Variants in MTA1 observed in about 807,000 individuals in gnomAD.
MTA1 encodes the protein metastasis associated 1, also known as metastasis-associated protein MTA1.
MTA1 carries 15 observed loss-of-function variants against 97.0 expected under a neutral mutation model. That is an observed-to-expected ratio of 0.15 (90% CI 0.10 to 0.24). The LOEUF (loss-of-function observed/expected upper bound fraction) is 0.24, where lower values mean the gene tolerates loss of function less well. Among genes scored for constraint, MTA1 ranks in the 10% least tolerant of loss-of-function variants. The pLI, the probability that MTA1 is intolerant of heterozygous loss-of-function variation, is 1.00. For synonymous variants in MTA1, 435 were observed against 417.5 expected, an observed-to-expected ratio of 1.04 and a Z score of -0.51; for missense variants, 709 against 1,015.1, an observed-to-expected ratio of 0.70 and a Z score of 4.10.
At position 105,466,761 on chromosome 14, in the gene MTA1, G is replaced by T; in HGVS notation, c.1813+19G>T. The T allele has an allele frequency of 2.6e-6, 4 of 1,565,122 alleles. No homozygotes were observed. Among genetic ancestry groups the T allele is most frequent in the Non-Finnish European group, 3.5e-6 (4 of 1,156,538 alleles). ...AGTAGGGGTAAGGCCTGGAGCCGCG[G>T]GCGGGCGCTGCGCCGGCCCCGCCCG... On this transcript the variant is annotated intron_variant, in intron 18 of 20. Coordinates refer to ENST00000331320, the MANE Select transcript of MTA1 (RefSeq NM_004689.4).
intron 1 of MTA1, among the ~76,000 whole-genome samples, chr14:105,433,582 G>C (rs1379959698): frequency 6.6e-6 from 1 of 152,190 alleles, no homozygotes; most frequent in Non-Finnish European, 1.5e-5. Flanking sequence ...TTCCAGGAAA[G>C]GGAGTAGCGA....
rs587678419 is a variant in MTA1, at chr14:105,425,174, C to G, written c.28+5111C>G. 2.7e-3 allele frequency among the ~76,000 whole-genome samples: 414 copies of G among 152,370 alleles called. 4 individuals carry two copies. Among genetic ancestry groups the G allele is most frequent in the African/African-American group, 8.9e-3 (371 of 41,592 alleles). On this transcript the variant is annotated intron_variant, in intron 1 of 20. Coordinates refer to ENST00000331320, the MANE Select transcript of MTA1 (RefSeq NM_004689.4). ...CTCTTGCCAGATTATGGGCTGAGTC[C>G]TGCTAGGGAGGGTGGCCCCCCTTCC...
intron 6 of MTA1, among the ~76,000 whole-genome samples, chr14:105,451,487 G>A (rs1346019523): frequency 6.6e-6 from 1 of 152,278 alleles, no homozygotes; most frequent in African/African-American, 2.4e-5. Flanking sequence ...CTGGGCGGGA[G>A]CAGAGGCTGT....
intron 18 of MTA1, chr14:105,467,327 G>A: frequency 2.3e-6 from 1 of 440,204 alleles, no homozygotes; most frequent in East Asian, 7.0e-5. Context: ...GCAAGTGCTG[G>A]GCCTGCCAGT....
chr14:105,420,842 G>T lies in MTA1; in HGVS notation c.28+779G>T, dbSNP rs1382097971. On this transcript the variant is annotated intron_variant, in intron 1 of 20. Coordinates refer to ENST00000331320, the MANE Select transcript of MTA1 (RefSeq NM_004689.4). The surrounding 1 kb of genome is among the most constrained non-coding windows in gnomAD (Gnocchi z 5.3). ...ACTCCGTGGGGTCTTTCACAGGAAG[G>T]TGGGGGGTCGTGTGCATTCCATCAT... 6.6e-6 allele frequency among the ~76,000 whole-genome samples: 1 copy of T among 152,190 alleles called. No homozygotes were observed. The highest frequency in any genetic ancestry group is 1.5e-5 in the Non-Finnish European group (1 of 68,020).
At chr14:105,469,216 G>C in intron 18 of MTA1, 2 of 609,772 alleles carry the variant, frequency 3.3e-6, no homozygotes, top group Admixed American at 2.4e-5. Flanking sequence ...CGGGTCCAAG[G>C]CTCCTGGCCT....
chr14:105,462,301 T>G (rs1333773813), intron 10 of MTA1, among the ~76,000 whole-genome samples: 1 of 152,166 alleles, frequency 6.6e-6, no homozygotes, highest in Admixed American at 6.5e-5. Context: ...CCGGGCGCAG[T>G]GGCTCATGCC....
intron 7 of MTA1, among the ~76,000 whole-genome samples, chr14:105,457,604 A>C (rs4074000): frequency 0.87 from 133,053 of 152,286 alleles, 60,918 homozygotes; most frequent in Non-Finnish European, 1. Flanking sequence ...GCCCTCTTGC[A>C]ACAGCATGTG....
In MTA1 at chr14:105,419,940, G is replaced by A. The variant is rs1462172950; in HGVS notation, c.-96G>A. The A allele has an allele frequency of 3.0e-5, 13 of 437,998 alleles. No individual in the cohort carries two copies. Among genetic ancestry groups the A allele is most frequent in the Non-Finnish European group, 3.9e-5 (13 of 330,626 alleles). 27.1% of individuals were successfully genotyped at this position (437,998 alleles called of 1,614,324 possible). On this transcript the variant is annotated 5_prime_UTR_variant, in exon 1 of 21. Coordinates refer to ENST00000331320, the MANE Select transcript of MTA1 (RefSeq NM_004689.4). ...AGCGCGGCCCCTTTAAACGCCTGCGGCGCCCCCCGCCCCCGCCATCGCGCC... is the reference window on the plus strand; with the variant it reads ...AGCGCGGCCCCTTTAAACGCCTGCGACGCCCCCCGCCCCCGCCATCGCGCC...
intron 2 of MTA1, among the ~76,000 whole-genome samples, chr14:105,444,428 T>C (rs1319912822): frequency 6.6e-6 from 1 of 151,978 alleles, no homozygotes; most frequent in Non-Finnish European, 1.5e-5. Flanking sequence ...AGATGGAGGC[T>C]GCAGTGACCT....
chr14:105,441,257 TG>T (rs1408970120), intron 2 of MTA1, among the ~76,000 whole-genome samples: 9 of 148,888 alleles, frequency 6.0e-5, no homozygotes, highest in African/African-American at 2.3e-4. Context: ...TGTCCCCTGG[TG>T]GGCCCCCCCG....
chr14:105,438,607 CGGGAGGTGGGACT>C, intron 1 of MTA1, 52 bp from the exon 2 acceptor site: 1 of 1,472,968 alleles, frequency 6.8e-7, no homozygotes, highest in Non-Finnish European at 9.5e-7. Flanking sequence ...CCCTGGGCCA[CGGGAGGTGGGACT>C]GGGTCTGGCC....
rs1162260005 is a variant in MTA1 at position 105,469,162 on chromosome 14, C to T, written c.1814-305C>T. On this transcript the variant is annotated intron_variant, in intron 18 of 20. Coordinates refer to ENST00000331320, the MANE Select transcript of MTA1 (RefSeq NM_004689.4). ...GCTTTGCTTGTCTCGGCACGGCAGG[C>T]AAGTGGGTGGACAGCCCCGGCCCCT... 4.9e-6 allele frequency: 3 copies of T among 609,642 alleles called. No individual in the cohort carries two copies. The Admixed American group carries it at 6.4e-5, about 13-fold the overall frequency. 37.8% of individuals were successfully genotyped at this position (609,642 alleles called of 1,614,324 possible). A position where few individuals can be genotyped will look rare whatever the true frequency, so the allele number is the denominator to read the frequency against.
rs1461733409 is a variant in MTA1, at chr14:105,424,342, C to T, written c.28+4279C>T. 6.6e-6 allele frequency among the ~76,000 whole-genome samples: 1 copy of T among 152,022 alleles called. No homozygotes were observed. The highest frequency in any genetic ancestry group is 1.5e-5 in the Non-Finnish European group (1 of 68,004). ...CCAAGTAGCTGGGACTACAGGCGCC[C>T]GCCACCATGCCTGGCTAATGTTTTG... On this transcript the variant is annotated intron_variant, in intron 1 of 20. Transcript: ENST00000331320. The surrounding 1 kb of genome is among the most constrained non-coding windows in gnomAD (Gnocchi z 4.0).
intron 18 of MTA1, chr14:105,467,332 G>A (rs2083636189): frequency 2.3e-6 from 1 of 443,300 alleles, no homozygotes; most frequent in Non-Finnish European, 4.5e-6. Context: ...TGCTGGGCCT[G>A]CCAGTGTGGA....
At chr14:105,428,411 C>T (rs587659348) in intron 1 of MTA1, among the ~76,000 whole-genome samples, 4 of 152,202 alleles carry the variant, frequency 2.6e-5, no homozygotes. Flanking sequence ...CCACCTCAGC[C>T]TCCTGAACAG....
chr14:105,435,891 G>A (rs782145114), intron 1 of MTA1, among the ~76,000 whole-genome samples: 2 of 152,150 alleles, frequency 1.3e-5, no homozygotes, highest in African/African-American at 4.8e-5. Context: ...CCCATCTGTC[G>A]TTCCTGATGT....
chr14:105,454,364 G>C (rs1295468374), intron 7 of MTA1, 54 bp downstream of exon 7: 1 of 1,281,000 alleles, frequency 7.8e-7, no homozygotes, highest in East Asian at 2.3e-5. Context: ...GTCCTGCCGG[G>C]TGACACACTG....
intron 3 of MTA1, 154 bp downstream of exon 3, chr14:105,445,665 A>G (rs1367995726): frequency 5.0e-6 from 4 of 807,828 alleles, no homozygotes; most frequent in Non-Finnish European, 8.5e-6. Context: ...TCCCTTCCAC[A>G]GTGGGCGGGG....
Sources: gnomAD v4.1 joint callset for allele counts (sites outside exome capture counted in the v4.1 genomes callset) on GRCh38, gnomAD v4.1.1 for gene constraint, Gnocchi (gnomAD v3.1) non-coding constraint, MANE v1.5 for transcripts, NCBI Gene and HGNC (gene_info 2026-07-23, HGNC 2026-07-21) for gene names.